Variants in SHANK2 observed in about 807,000 individuals in gnomAD.
The protein encoded by SHANK2 is SH3 and multiple ankyrin repeat domains protein 2.
SHANK2 carries 43 observed loss-of-function variants against 133.7 expected under a neutral mutation model. The ratio of observed to expected loss-of-function variants is 0.32; its 90% CI spans 0.25 to 0.41. The LOEUF (loss-of-function observed/expected upper bound fraction) is 0.41. SHANK2 is among the 10% of genes least tolerant of loss of function. The pLI is 1.00. For missense variants in SHANK2, 1,994 were observed against 2,235.8 expected, an observed-to-expected ratio of 0.89 and a Z score of 2.18; for synonymous variants, 1,017 against 952.8, an observed-to-expected ratio of 1.07 and a Z score of -1.24.
intron 17 of SHANK2, among the ~76,000 whole-genome samples, chr11:70,610,281 G>C (rs2060641766): frequency 6.6e-6 from 1 of 152,248 alleles, no homozygotes; most frequent in South Asian, 2.1e-4. Flanking sequence ...AGCATTGCCT[G>C]TTCTTAGGCT....
rs1376587483 is a variant in SHANK2 at position 70,486,469 on chromosome 11, C to T, written c.3824G>A (p.Arg1275Gln). The T allele has an allele frequency of 3.1e-6, 5 of 1,613,968 alleles. No individual in the cohort carries two copies. Among genetic ancestry groups the T allele is most frequent in the Admixed American group, 1.7e-5 (1 of 60,006 alleles). The change falls in exon 25 of 26, where the codon CGG (arginine) becomes CAG (glutamine). Residue 1275 changes from arginine (R) to glutamine (Q), a missense_variant. By Grantham distance (43) the Arg-to-Gln change is conservative. Around this residue, in one of 5 missense-constraint regions of SHANK2, gnomAD observed 797 missense variants for 907.4 expected, o/e 0.88. Transcript: ENST00000601538. This position sits in a 1 kb window ranked among gnomAD's most constrained non-coding sequence, Gnocchi z 8.0. ...TRQNTRGPLR[R>Q]QETENKYETD... ...CTCGTACTTGTTCTCCGTCTCCTGCCGCCTCAGGGGTCCCCGGGTGTTCTG... is the reference window on the plus strand; with the variant it reads ...CTCGTACTTGTTCTCCGTCTCCTGCTGCCTCAGGGGTCCCCGGGTGTTCTG...
intron 11 of SHANK2, among the ~76,000 whole-genome samples, chr11:70,893,378 G>A (rs1949881723): frequency 6.6e-6 from 1 of 152,214 alleles, no homozygotes; most frequent in Non-Finnish European, 1.5e-5. Context: ...ATGCAAAGTG[G>A]GGGTGACCAC....
chr11:71,077,037 C>T (rs927606226), intron 8 of SHANK2, among the ~76,000 whole-genome samples: 25 of 152,140 alleles, frequency 1.6e-4, no homozygotes, highest in African/African-American at 5.8e-4. Context: ...CAGGAAGAGA[C>T]ATGCACAAAG....
intron 17 of SHANK2, among the ~76,000 whole-genome samples, chr11:70,601,015 ATATATCTATATCTATATC>A (rs56326812): frequency 0.056 from 7,133 of 128,334 alleles, 261 homozygotes; most frequent in South Asian, 0.11. Flanking sequence ...AGTAAAGAGA[ATATATCTATATCTATATC>A]TATATCTATA....
intron 13 of SHANK2, among the ~76,000 whole-genome samples, chr11:70,803,551 T>C (rs1205551264): frequency 6.6e-6 from 1 of 151,928 alleles, no homozygotes; most frequent in Non-Finnish European, 1.5e-5. Context: ...ACTATTCAGA[T>C]TCCCAGGCTG....
intron 8 of SHANK2, among the ~76,000 whole-genome samples, chr11:71,081,848 C>T (rs1951305275): frequency 6.6e-6 from 1 of 152,202 alleles, no homozygotes; most frequent in East Asian, 1.9e-4. Flanking sequence ...GCCGCTCGTG[C>T]CCAGGGGCAG....
intron 10 of SHANK2, among the ~76,000 whole-genome samples, chr11:70,926,214 C>T (rs1357872459): frequency 6.6e-6 from 1 of 152,102 alleles, no homozygotes; most frequent in Admixed American, 6.5e-5. Context: ...TCGAGACCAG[C>T]CTGGGCAACA....
chr11:71,090,350 CTG>C (rs1216035619), intron 8 of SHANK2, among the ~76,000 whole-genome samples: 178 of 7,730 alleles, frequency 0.023, 11 homozygotes, highest in African/African-American at 0.028. Context: ...AACACAACCT[CTG>C]TGTGTGTGTG....
chr11:70,788,693 C>T (rs1057246945), intron 14 of SHANK2, among the ~76,000 whole-genome samples: 1 of 152,152 alleles, frequency 6.6e-6, no homozygotes, highest in Non-Finnish European at 1.5e-5. Context: ...ACCAAGAGGT[C>T]CCCATCCTTC....
At chr11:71,128,975 G>A (rs1952241380) in intron 3 of SHANK2, among the ~76,000 whole-genome samples, 1 of 152,208 alleles carries the variant, frequency 6.6e-6, no homozygotes, top group African/African-American at 2.4e-5. Context: ...AGTAGAGACA[G>A]GGTTTCGCCA....
intron 1 of SHANK2, among the ~76,000 whole-genome samples, chr11:71,231,659 A>G (rs1954743786): frequency 6.6e-6 from 1 of 152,200 alleles, no homozygotes; most frequent in Non-Finnish European, 1.5e-5. Flanking sequence ...AGGCCAAGGT[A>G]GGTGAATCGC....
At chr11:71,167,407 CGGGGGGCTG>C (rs1953178170) in intron 2 of SHANK2, among the ~76,000 whole-genome samples, 1 of 145,434 alleles carries the variant, frequency 6.9e-6, no homozygotes, top group Non-Finnish European at 1.5e-5. Context: ...GCTGGCCGGG[CGGGGGGCTG>C]ACCCCCCCCA....
intron 15 of SHANK2, among the ~76,000 whole-genome samples, chr11:70,674,159 T>A (rs1555016691): frequency 1.3e-5 from 2 of 152,176 alleles, no homozygotes; most frequent in African/African-American, 4.8e-5. Context: ...CCCTTAGCCT[T>A]CCGCCATGAG....
Position 70,804,881 on chromosome 11 carries a change from G to A in SHANK2, c.1663+2121C>T, listed in dbSNP as rs1948127524. On this transcript the variant is annotated intron_variant, in intron 13 of 25. Coordinates refer to ENST00000601538, the MANE Select transcript of SHANK2 (RefSeq NM_012309.5). The surrounding 1 kb of genome is among the most constrained non-coding windows in gnomAD (Gnocchi z 4.1). ...TCATCACCGGCTCCCCCTCTCCCTTGAGCTCCTGCTCATCCATGCTGCTAC... is the reference window on the plus strand; with the variant it reads ...TCATCACCGGCTCCCCCTCTCCCTTAAGCTCCTGCTCATCCATGCTGCTAC... 6.6e-6 allele frequency among the ~76,000 whole-genome samples: 1 copy of A among 152,158 alleles called. No individual in the cohort carries two copies. Among genetic ancestry groups the A allele is most frequent in the South Asian group, 2.1e-4 (1 of 4,824 alleles).
intron 14 of SHANK2, among the ~76,000 whole-genome samples, chr11:70,700,146 C>A (rs188192540): frequency 6.6e-6 from 1 of 152,294 alleles, no homozygotes; most frequent in Non-Finnish European, 1.5e-5. Flanking sequence ...CCAGCTGTCT[C>A]CACCCCTTCC....
chr11:71,251,373 C>T (rs1390292517), intron 1 of SHANK2, among the ~76,000 whole-genome samples: 3 of 152,262 alleles, frequency 2.0e-5, no homozygotes, highest in Admixed American at 2.0e-4. Flanking sequence ...CCCCCGCATC[C>T]CCCCGAACCC....
At chr11:71,094,110 C>A (rs564580949) in intron 7 of SHANK2, among the ~76,000 whole-genome samples, 4 of 152,116 alleles carry the variant, frequency 2.6e-5, no homozygotes, top group South Asian at 4.2e-4. Flanking sequence ...CGAATTGTAA[C>A]CCCCAGTGCT....
chr11:71,198,275 T>C (rs1555116523), intron 2 of SHANK2, among the ~76,000 whole-genome samples: 1 of 152,174 alleles, frequency 6.6e-6, no homozygotes, highest in Non-Finnish European at 1.5e-5. Context: ...GTTATGAATG[T>C]TGTGGCTGGT....
chr11:70,917,297 C>T (rs1565404633), intron 10 of SHANK2, among the ~76,000 whole-genome samples: 1 of 152,094 alleles, frequency 6.6e-6, no homozygotes, highest in Non-Finnish European at 1.5e-5. Context: ...AAATGAAAAT[C>T]AAAACCAGAA....
Sources: gnomAD v4.1 joint callset for allele counts (sites outside exome capture counted in the v4.1 genomes callset) on GRCh38, gnomAD v4.1.1 for gene constraint, gnomAD v4.1.1 regional missense constraint, Gnocchi (gnomAD v3.1) non-coding constraint, MANE v1.5 for transcripts, NCBI Gene and HGNC (gene_info 2026-07-23, HGNC 2026-07-21) for gene names.